Variants in CRHBP observed in about 807,000 individuals in gnomAD.
The protein encoded by CRHBP is corticotropin releasing hormone binding protein.
Under a neutral mutation model 34.9 loss-of-function variants are expected in CRHBP, and 19 were observed. The observed-to-expected ratio is 0.55, with a 90% CI of 0.38 to 0.80. CRHBP has a LOEUF of 0.80. Ranked by LOEUF, CRHBP falls within the 30% of genes least tolerant of loss-of-function variation. The probability of loss-of-function intolerance (pLI) is 0.00; values close to 1 mark genes in which losing one functional copy is unlikely to be tolerated. For synonymous variants in CRHBP, 154 were observed against 153.4 expected, an observed-to-expected ratio of 1.00 and a Z score of -0.03; for missense variants, 328 against 409.2, an observed-to-expected ratio of 0.80 and a Z score of 1.71.
At chr5:76,973,334 A>G (rs1745976618), downstream of CRHBP, among the ~76,000 whole-genome samples, 1 of 152,222 alleles carries the variant, frequency 6.6e-6, no homozygotes, top group South Asian at 2.1e-4. Context: ...ACCATATGCA[A>G]CCTTTCCACA....
At chr5:76,965,881 G>A (rs927632517) in intron 6 of CRHBP, among the ~76,000 whole-genome samples, 10 of 152,198 alleles carry the variant, frequency 6.6e-5, no homozygotes, top group Admixed American at 2.0e-4. Flanking sequence ...AACGCACAAA[G>A]TAACAAAGGA....
intron 5 of CRHBP, among the ~76,000 whole-genome samples, chr5:76,961,693 C>A (rs140369547): frequency 1.3e-4 from 20 of 152,226 alleles, no homozygotes; most frequent in African/African-American, 4.8e-4. Flanking sequence ...TGTTATTTTC[C>A]AATTTGCTGT....
At chr5:76,963,503 T>C in intron 6 of CRHBP, 43 bp downstream of exon 6, 2 of 1,431,216 alleles carry the variant, frequency 1.4e-6, no homozygotes, top group Non-Finnish European at 1.9e-6. Flanking sequence ...CTATCAAGAT[T>C]AAAAAAAAAT....
chr5:76,963,547 T>C (rs1483059845), intron 6 of CRHBP, 87 bp downstream of exon 6: 1 of 1,208,322 alleles, frequency 8.3e-7, no homozygotes, highest in Non-Finnish European at 1.2e-6. Context: ...CATTGGAAGG[T>C]GAGTTTCGCC....
In CRHBP at chr5:76,959,469, A is replaced by C. The variant is rs184979375; in HGVS notation, c.693+580A>C. 5.9e-5 allele frequency among the ~76,000 whole-genome samples: 9 copies of C among 152,348 alleles called. No individual in the cohort carries two copies. In the East Asian group the frequency reaches 1.7e-3, roughly 29 times the overall value. On this transcript the variant is annotated intron_variant, in intron 5 of 6. Coordinates refer to ENST00000274368, the MANE Select transcript of CRHBP (RefSeq NM_001882.4). ...ACCCCTATCAACTTGTTTTTGAATA[A>C]ACTTCTGTATGGACCTTAAAATTCA...
At chr5:76,968,194 G>GT (rs1197546143) in intron 6 of CRHBP, among the ~76,000 whole-genome samples, 59 of 124,762 alleles carry the variant, frequency 4.7e-4, no homozygotes, top group Non-Finnish European at 1.8e-4. Context: ...ATAAACAGGT[G>GT]TTTTTTTTTG....
At chr5:76,980,515 A>G (rs1029338485) in intron 3 of CRHBP, among the ~76,000 whole-genome samples, 2 of 152,340 alleles carry the variant, frequency 1.3e-5, no homozygotes, top group African/African-American at 2.4e-5. Flanking sequence ...TAACAAATCA[A>G]TTCCATTTCC....
chr5:76,975,825 A>AAAAAAAAAAAAAAAAATATATATATAT, intron 2 of CRHBP, among the ~76,000 whole-genome samples: 1 of 61,860 alleles, frequency 1.6e-5, no homozygotes, highest in Non-Finnish European at 2.7e-5. Context: ...AAAAAAAAAA[A>AAAAAAAAAAAAAAAAATATATATATAT]ATATATATAT....
At chr5:76,963,132 AATG>A (rs1289008255) in intron 5 of CRHBP, 2 of 519,520 alleles carry the variant, frequency 3.8e-6, no homozygotes, top group Non-Finnish European at 6.8e-6. Context: ...TTCTAAAAAA[AATG>A]ATTACTCAAC....
At chr5:76,964,571 A>C (rs1433182635) in intron 6 of CRHBP, among the ~76,000 whole-genome samples, 1 of 152,194 alleles carries the variant, frequency 6.6e-6, no homozygotes, top group Non-Finnish European at 1.5e-5. Flanking sequence ...TATTCAGCGT[A>C]GGCTAGGCGC....
Position 76,963,378 on chromosome 5 carries a change from T to C in CRHBP, c.729T>C (p.Phe243=), listed in dbSNP as rs1490787117. Residue 243 remains phenylalanine (F), a synonymous_variant, in exon 6 of 7, where the codon TTT becomes TTC. Coordinates refer to ENST00000274368, the MANE Select transcript of CRHBP (RefSeq NM_001882.4). ...SSAGCEGIGD[F]VELLGGTGLD... is the part of the protein sequence containing the mutation. ...CAGGTTGCGAGGGAATAGGAGACTT[T>C]GTGGAGCTGCTGGGAGGAACTGGAT... 1 of 1,614,166 alleles carries C rather than the reference T, an allele frequency of 6.2e-7. No individual in the cohort carries two copies. Among genetic ancestry groups the C allele is most frequent in the Non-Finnish European group, 8.5e-7 (1 of 1,180,028 alleles).
downstream of CRHBP, among the ~76,000 whole-genome samples, chr5:76,971,088 T>C (rs1444947450): frequency 2.0e-5 from 3 of 152,330 alleles, no homozygotes; most frequent in Middle Eastern, 3.4e-3. Context: ...TGTGTCTTCA[T>C]TGGTATATCC....
chr5:76,953,547 C>A, intron 1 of CRHBP, 54 bp from the exon 2 acceptor site: 1 of 1,556,122 alleles, frequency 6.4e-7, no homozygotes, highest in South Asian at 1.2e-5. Flanking sequence ...TCCTGGTCCC[C>A]TTTTTTATCC....
Position 76,959,520 on chromosome 5 carries a change from C to T in CRHBP, c.693+631C>T, listed in dbSNP as rs528354866. Among the ~76,000 whole-genome samples, 5 of 152,346 alleles carry T rather than the reference C, an allele frequency of 3.3e-5. No homozygotes were observed. In the East Asian group the frequency reaches 9.6e-4, roughly 29 times the overall value. ...TGCTGAGTTTGACCGCATTTTCTTG[C>T]ACTGGTAGCATTTTCCCTCTGAGTC... On this transcript the variant is annotated intron_variant, in intron 5 of 6. Transcript: ENST00000274368.
At chr5:76,973,898 G>C (rs1185501565), downstream of CRHBP, among the ~76,000 whole-genome samples, 1 of 152,030 alleles carries the variant, frequency 6.6e-6, no homozygotes, top group African/African-American at 2.4e-5. Flanking sequence ...CTGCCTCCAG[G>C]GTTCAAGCGA....
chr5:76,974,997 G>C (rs1026305033), intron 2 of CRHBP, among the ~76,000 whole-genome samples: 1 of 152,142 alleles, frequency 6.6e-6, no homozygotes, highest in South Asian at 2.1e-4. Context: ...TTTGCTTTAG[G>C]GGAAAGATTT....
downstream of CRHBP, among the ~76,000 whole-genome samples, chr5:76,972,132 C>G (rs1745956349): frequency 6.6e-6 from 1 of 151,844 alleles, no homozygotes; most frequent in Admixed American, 6.6e-5. Flanking sequence ...TTCCTGGGGT[C>G]AAGTGATCTC....
intron 4 of CRHBP, among the ~76,000 whole-genome samples, chr5:76,957,531 G>A (rs964581872): frequency 2.6e-5 from 4 of 152,144 alleles, no homozygotes; most frequent in Admixed American, 2.0e-4. Flanking sequence ...GATTACAGGC[G>A]CCCGTCACCA....
At chr5:76,957,682 C>T (rs1370906662) in intron 4 of CRHBP, among the ~76,000 whole-genome samples, 1 of 152,038 alleles carries the variant, frequency 6.6e-6, no homozygotes, top group African/African-American at 2.4e-5. Context: ...CCACTCCCGG[C>T]CAATGTATTG....
Sources: gnomAD v4.1 joint callset for allele counts (sites outside exome capture counted in the v4.1 genomes callset) on GRCh38, gnomAD v4.1.1 for gene constraint, MANE v1.5 for transcripts, NCBI Gene and HGNC (gene_info 2026-07-23, HGNC 2026-07-21) for gene names.